The following CAD variants were observed in gnomAD, a reference collection of about 807,000 sequenced individuals.
CAD encodes the protein carbamoyl-phosphate synthetase 2, aspartate transcarbamylase, and dihydroorotase, also known as multifunctional protein CAD.
A neutral mutation model predicts 237.2 loss-of-function variants in CAD; 81 were observed. That is an observed-to-expected ratio of 0.34 (90% CI 0.29 to 0.41). CAD has a LOEUF of 0.41. Among genes scored for constraint, CAD ranks in the 10% least tolerant of loss-of-function variants. The probability of loss-of-function intolerance (pLI) is 1.00; values close to 1 mark genes in which losing one functional copy is unlikely to be tolerated. For missense variants in CAD, 2,181 were observed against 2,951.7 expected (o/e 0.74, Z 6.05); for synonymous variants, 1,196 against 1,162.8 (o/e 1.03, Z -0.58).
At position 27,221,206 on chromosome 2, in the gene CAD, T is replaced by A; in HGVS notation, c.223-12T>A. On this transcript the variant is annotated splice_polypyrimidine_tract_variant and intron_variant, in intron 2 of 43. Coordinates refer to ENST00000264705, the MANE Select transcript of CAD (RefSeq NM_004341.5). ...TGGCCTGAGGCTTCTCACAATCTCT[T>A]TCCATCTACAGTGGTTTGAATCCTC... 6.7e-7 allele frequency: 1 copy of A among 1,501,076 alleles called. No individual in the cohort carries two copies. Among genetic ancestry groups the A allele is most frequent in the Non-Finnish European group, 9.0e-7 (1 of 1,116,460 alleles). The allele number at this position is 1,501,076 out of a possible 1,614,324, so 93.0% of individuals were successfully genotyped here. A position where few individuals can be genotyped will look rare whatever the true frequency, so the allele number is the denominator to read the frequency against.
rs1168245343 is a variant in CAD at position 27,222,543 on chromosome 2, G to A, written c.520G>A (p.Gly174Ser). Reference sequence around the variant, plus strand: ...GACTCCACGGGTATTCAATACAGGGGGTGCCCCTCGGATCCTTGCTTTGGA... The same window carrying A: ...GACTCCACGGGTATTCAATACAGGGAGTGCCCCTCGGATCCTTGCTTTGGA... The part of the protein sequence containing the change: ...IKTPRVFNTG[G>S]APRILALDCG... The change falls in exon 5 of 44, where the codon GGT becomes AGT. Residue 174 changes from glycine (G) to serine (S), a missense_variant. Gly to Ser is a moderately conservative substitution (Grantham distance 56). Transcript: ENST00000264705. 2 of 1,613,924 alleles carry A rather than the reference G, an allele frequency of 1.2e-6. No individual in the cohort carries two copies. Among genetic ancestry groups the A allele is most frequent in the African/African-American group, 1.3e-5 (1 of 74,870 alleles).
Position 27,236,980 on chromosome 2 carries a change from C to G in CAD, c.4396+150C>G. 1.4e-6 allele frequency: 1 copy of G among 703,096 alleles called. No homozygotes were observed. Among genetic ancestry groups the G allele is most frequent in the South Asian group, 1.6e-5 (1 of 61,918 alleles). 43.6% of individuals were successfully genotyped at this position (703,096 alleles called of 1,614,324 possible). On this transcript the variant is annotated intron_variant, in intron 27 of 43. Transcript: ENST00000264705. This position sits in a 1 kb window ranked among gnomAD's most constrained non-coding sequence, Gnocchi z 4.1. The stretch of plus-strand genomic sequence containing the variant: ...CAGAATGTTTCTCACTCTTTCATTC[C>G]TTAATCCACAGTGTCCACAGTGGCC...
chr2:27,238,874 A>G (rs1676155186), intron 31 of CAD, among the ~76,000 whole-genome samples, 168 bp from the exon 32 acceptor site: 1 of 152,256 alleles, frequency 6.6e-6, no homozygotes, highest in Admixed American at 6.5e-5. Context: ...TGTGGGCTCC[A>G]GAAGATGGCA....
At chr2:27,225,303 C>CT (rs1221617250) in intron 11 of CAD, 60 bp downstream of exon 11, 123,758 of 530,592 alleles carry the variant, frequency 0.23, 8,363 homozygotes, top group African/African-American at 0.55. Context: ...GTGTTATTTT[C>CT]TTTTTTTTTT....
rs781212395 is a variant in CAD at position 27,222,299 on chromosome 2, C to G, written c.458C>G (p.Pro153Arg). The G allele has an allele frequency of 5.0e-6, 8 of 1,613,164 alleles. No individual in the cohort carries two copies. Among genetic ancestry groups the G allele is most frequent in the Non-Finnish European group, 5.9e-6 (7 of 1,179,366 alleles). Residue 153 changes from proline to arginine, a missense_variant, in exon 4 of 44, where the codon CCC becomes CGC. Pro to Arg is a moderately radical substitution (Grantham distance 103). Coordinates refer to ENST00000264705, the MANE Select transcript of CAD (RefSeq NM_004341.5). ...CCTTCATCCCTGCCATTCTTGGACC[C>G]CAATGCCCGCCCCCTGGTACCAGAG... ...TEPSSLPFLD[P>R]NARPLVPEVS...
In CAD at chr2:27,222,202, A is replaced by G; in HGVS notation, c.361A>G (p.Thr121Ala). ...CTGTGCTATTTTGACAGGAGTAGAC[A>G]CTCGGGAGCTGACCAAGAAGTTGCG... ...HGIPGLQGVD[T>A]RELTKKLREQ... is the part of the protein sequence containing the mutation. Residue 121 changes from threonine to alanine, a missense_variant, in exon 4 of 44, where the codon ACT (threonine) becomes GCT (alanine). By Grantham distance (58) the Thr-to-Ala change is moderately conservative (BLOSUM62 0). Around this residue, in one of 12 missense-constraint regions of CAD, gnomAD observed 314 missense variants for 339.4 expected, o/e 0.93. Coordinates refer to ENST00000264705, the MANE Select transcript of CAD (RefSeq NM_004341.5). 1 of 1,613,804 alleles carries G rather than the reference A, an allele frequency of 6.2e-7. No individual in the cohort carries two copies.
In CAD at chr2:27,223,046, TGTG is replaced by T; in HGVS notation, c.809+11_809+13del. 2.5e-6 allele frequency: 4 copies of T among 1,613,522 alleles called. No homozygotes were observed. Among genetic ancestry groups the T allele is most frequent in the South Asian group, 1.1e-5 (1 of 91,062 alleles). ...AAGACTTACAAGATGAGGTGGGACTTGTGGGGAGCAGAAGGGGCCCATACTTGT... is the reference window on the plus strand; with the variant it reads ...AAGACTTACAAGATGAGGTGGGACTTGGGAGCAGAAGGGGCCCATACTTGT... On this transcript the variant is annotated intron_variant, in intron 6 of 43. Transcript: ENST00000264705.
chr2:27,218,931 G>A (rs1037253193), intron 2 of CAD, among the ~76,000 whole-genome samples: 8 of 152,182 alleles, frequency 5.3e-5, no homozygotes, highest in African/African-American at 1.4e-4. Flanking sequence ...GGACGTACAT[G>A]TTGTTCTTCC....
chr2:27,232,228 A>G lies in CAD; in HGVS notation c.2645+4A>G. ...AGATTGCCCTTGCAGTTCTGAGGTC[A>G]GAGGTGGCAATGAGAGCTTCCGGCT... is the stretch of plus-strand genomic sequence containing the variant. On this transcript the variant is annotated splice_donor_region_variant and intron_variant, in intron 17 of 43. Transcript: ENST00000264705. This position sits in a 1 kb window ranked among gnomAD's most constrained non-coding sequence, Gnocchi z 4.1. 2 of 1,613,532 alleles carry G rather than the reference A, an allele frequency of 1.2e-6. No individual in the cohort carries two copies. The highest frequency in any genetic ancestry group is 1.7e-6 in the Non-Finnish European group (2 of 1,179,748).
Position 27,217,370 on chromosome 2 carries a change from GTC to G in CAD, c.-178_-177del. The G allele has an allele frequency of 5.1e-6, 3 of 593,188 alleles. No homozygotes were observed. Among genetic ancestry groups the G allele is most frequent in the Non-Finnish European group, 8.9e-6 (3 of 336,578 alleles). 36.7% of individuals were successfully genotyped at this position (593,188 alleles called of 1,614,324 possible). ...CGCCGCCTGTGTCCGCGCCGCCGCA[GTC>G]TCTGCTGCTGCCGCCAAGCGCGCCC... On this transcript the variant is annotated 5_prime_UTR_variant, in exon 1 of 44. Transcript: ENST00000264705.
Position 27,240,210 on chromosome 2 carries a change from C to A in CAD, c.5497-55C>A. 6.9e-7 allele frequency: 1 copy of A among 1,438,910 alleles called. No homozygotes were observed. Among genetic ancestry groups the A allele is most frequent in the Non-Finnish European group, 9.6e-7 (1 of 1,036,464 alleles). 89.1% of individuals were successfully genotyped at this position (1,438,910 alleles called of 1,614,324 possible). A position where few individuals can be genotyped will look rare whatever the true frequency, so the allele number is the denominator to read the frequency against. ...CTCCAGCCTGAGCGACAGAACGAGACTCCGTCTCAAAAGAAAAAAAAAAAA... is the reference window on the plus strand; with the variant it reads ...CTCCAGCCTGAGCGACAGAACGAGAATCCGTCTCAAAAGAAAAAAAAAAAA... On this transcript the variant is annotated intron_variant, in intron 34 of 43. Coordinates refer to ENST00000264705, the MANE Select transcript of CAD (RefSeq NM_004341.5). This position sits in a 1 kb window ranked among gnomAD's most constrained non-coding sequence, Gnocchi z 4.6.
chr2:27,234,425 C>A, intron 22 of CAD, 93 bp from the exon 23 acceptor site: 1 of 1,332,056 alleles, frequency 7.5e-7, no homozygotes, highest in Non-Finnish European at 1.1e-6. Flanking sequence ...GTCTGATCCC[C>A]CAGAGCTGAG....
chr2:27,233,418 G>C lies in CAD; in HGVS notation c.3098G>C (p.Arg1033Pro). 6.2e-7 allele frequency: 1 copy of C among 1,614,216 alleles called. No individual in the cohort carries two copies. Among genetic ancestry groups the C allele is most frequent in the Non-Finnish European group, 8.5e-7 (1 of 1,180,040 alleles). ...ATGGCGTTGCATCGGCAGCAGTGCC[G>C]GGTGCTGGGCACCTCCCCTGAAGCC... ...MAMALHRQQC[R>P]VLGTSPEAID... The change falls in exon 20 of 44, where the codon CGG (arginine) becomes CCG (proline). Residue 1033 changes from arginine (R) to proline (P), a missense_variant. Physicochemically the swap from Arg to Pro is moderately radical, Grantham distance 103. Around this residue, in one of 12 missense-constraint regions of CAD, gnomAD observed 306 missense variants for 607.9 expected, o/e 0.50. Transcript: ENST00000264705. This position sits in a 1 kb window ranked among gnomAD's most constrained non-coding sequence, Gnocchi z 6.3.
In CAD at chr2:27,238,464, T is replaced by C. The variant is rs763831991; in HGVS notation, c.4894T>C (p.Leu1632=). 2.5e-5 allele frequency: 40 copies of C among 1,602,122 alleles called. No individual in the cohort carries two copies. The highest frequency in any genetic ancestry group is 3.2e-5 in the Non-Finnish European group (38 of 1,174,278). ...LLIKAAKARG[L]PVTCEVAPHH... ...AATTAAAGCTGCAAAGGCACGGGGC[T>C]TGCCAGTGACCTGCGAGGTGGCTCC... The change falls in exon 31 of 44, where the codon TTG becomes CTG. Residue 1632 remains leucine, a synonymous_variant. Coordinates refer to ENST00000264705, the MANE Select transcript of CAD (RefSeq NM_004341.5).
chr2:27,224,274 G>A (rs913119651), intron 8 of CAD, 71 bp from the exon 9 acceptor site: 2 of 1,545,084 alleles, frequency 1.3e-6, no homozygotes, highest in African/African-American at 1.4e-5. Flanking sequence ...CTGAAAGCGA[G>A]GGAGCTAATC....
Position 27,232,217 on chromosome 2 carries a change from G to C in CAD, c.2638G>C (p.Val880Leu). 1 of 1,614,008 alleles carries C rather than the reference G, an allele frequency of 6.2e-7. No homozygotes were observed. The highest frequency in any genetic ancestry group is 1.1e-5 in the South Asian group (1 of 91,086). The change falls in exon 17 of 44, where the codon GTT becomes CTT. Residue 880 changes from valine to leucine, a missense_variant. Val to Leu is a conservative substitution (Grantham distance 32). This residue lies in a region of CAD where 385 missense variants were observed against 535.1 expected (regional missense o/e 0.72). Transcript: ENST00000264705. The surrounding 1 kb of genome is among the most constrained non-coding windows in gnomAD (Gnocchi z 4.1). ...GFSDKQIALA[V>L]LSTELAVRKL... is the part of the protein sequence containing the mutation. ...CTCAGACAAACAGATTGCCCTTGCA[G>C]TTCTGAGGTCAGAGGTGGCAATGAG...
At position 27,233,807 on chromosome 2, in the gene CAD, A is replaced by C. The variant is rs1414619904; in HGVS notation, c.3398A>C (p.Lys1133Thr). ...ATCTCCAAGTTCATCCAGGAGGCTA[A>C]GGTGGGAGGCTGCAGACAGTGAAGT... Reference protein sequence around the residue: ...VVISKFIQEAKEIDVDAVASD... With the variant: ...VVISKFIQEATEIDVDAVASD... Residue 1133 changes from lysine (K) to threonine (T), a missense_variant and splice_region_variant, in exon 21 of 44, where the codon AAG becomes ACG. By Grantham distance (78) the Lys-to-Thr change is moderately conservative (BLOSUM62 -1). Coordinates refer to ENST00000264705, the MANE Select transcript of CAD (RefSeq NM_004341.5). This position sits in a 1 kb window ranked among gnomAD's most constrained non-coding sequence, Gnocchi z 6.3. 1 of 1,613,620 alleles carries C rather than the reference A, an allele frequency of 6.2e-7. No individual in the cohort carries two copies. The highest frequency in any genetic ancestry group is 8.5e-7 in the Non-Finnish European group (1 of 1,179,984).
In CAD at chr2:27,242,980, G is replaced by A. The variant is rs374473260; in HGVS notation, c.6480+7G>A. The A allele has an allele frequency of 1.3e-6, 2 of 1,588,224 alleles. No homozygotes were observed. The highest frequency in any genetic ancestry group is 1.3e-5 in the African/African-American group (1 of 74,490). On this transcript the variant is annotated splice_region_variant and intron_variant, in intron 42 of 43. Coordinates refer to ENST00000264705, the MANE Select transcript of CAD (RefSeq NM_004341.5). The surrounding 1 kb of genome is among the most constrained non-coding windows in gnomAD (Gnocchi z 6.4). ...TACCCAGGAGTACGAAGCTGTGAGT[G>A]CTGGGCTTGAGGAAGAAGCCAGGGC... is the stretch of plus-strand genomic sequence containing the variant.
intron 30 of CAD, 90 bp from the exon 31 acceptor site, chr2:27,238,340 AT>A: frequency 6.8e-7 from 1 of 1,465,456 alleles, no homozygotes; most frequent in South Asian, 1.3e-5. Context: ...CTACATCATC[AT>A]TTTTTGAGCA....
Sources: gnomAD v4.1 joint callset for allele counts (sites outside exome capture counted in the v4.1 genomes callset) on GRCh38, gnomAD v4.1.1 for gene constraint, gnomAD v4.1.1 regional missense constraint, Gnocchi (gnomAD v3.1) non-coding constraint, MANE v1.5 for transcripts, NCBI Gene and HGNC (gene_info 2026-07-23, HGNC 2026-07-21) for gene names.